PARD3: variants seen among roughly 807,000 people sequenced by gnomAD.
PARD3 encodes par-3 family cell polarity regulator.
A neutral mutation model predicts 155.4 loss-of-function variants in PARD3; 75 were observed. That is an observed-to-expected ratio of 0.48 (90% CI 0.40 to 0.58). The LOEUF is 0.58. PARD3 is among the 20% of genes least tolerant of loss of function. The pLI is 0.00. For missense variants in PARD3, 1,642 were observed against 1,721.7 expected (o/e 0.95, Z 0.82); for synonymous variants, 576 against 610.5 (o/e 0.94, Z 0.83).
chr10:34,260,276 A>T (rs1954888770), intron 22 of PARD3, among the ~76,000 whole-genome samples: 1 of 152,172 alleles, frequency 6.6e-6, no homozygotes, highest in Admixed American at 6.5e-5. Context: ...CACCTGGCCA[A>T]TTTTTTTCTT....
intron 3 of PARD3, among the ~76,000 whole-genome samples, chr10:34,502,173 G>C (rs150214412): frequency 8.5e-5 from 13 of 152,302 alleles, no homozygotes; most frequent in African/African-American, 2.6e-4. Flanking sequence ...AGCCTGAATG[G>C]ACTTAGACAG....
intron 22 of PARD3, among the ~76,000 whole-genome samples, chr10:34,188,910 T>A (rs768428372): frequency 4.7e-4 from 72 of 152,070 alleles, no homozygotes; most frequent in Non-Finnish European, 2.8e-4. Context: ...CTCTGCAACC[T>A]GGTATGAGGG....
intron 23 of PARD3, among the ~76,000 whole-genome samples, chr10:34,121,854 C>T (rs1209991479): frequency 1.3e-5 from 2 of 152,196 alleles, no homozygotes; most frequent in African/African-American, 2.4e-5. Flanking sequence ...TTCAGAGACC[C>T]GCTTCACAAC....
intron 5 of PARD3, among the ~76,000 whole-genome samples, chr10:34,414,439 A>G (rs1845448979): frequency 6.6e-6 from 1 of 152,176 alleles, no homozygotes; most frequent in Non-Finnish European, 1.5e-5. Context: ...GATAGGACTG[A>G]GAAGTTGGAA....
At chr10:34,740,002 G>A (rs950167647) in intron 1 of PARD3, among the ~76,000 whole-genome samples, 2 of 152,138 alleles carry the variant, frequency 1.3e-5, no homozygotes, top group African/African-American at 2.4e-5. Flanking sequence ...ACCCGCCAGC[G>A]ACTCCGTGCA....
At chr10:34,669,549 C>T (rs1435714956) in intron 2 of PARD3, among the ~76,000 whole-genome samples, 1 of 152,028 alleles carries the variant, frequency 6.6e-6, no homozygotes, top group Non-Finnish European at 1.5e-5. Flanking sequence ...CACAATATAT[C>T]CATGTAACGA....
chr10:34,495,316 G>A (rs562245231), intron 3 of PARD3, among the ~76,000 whole-genome samples: 13 of 152,240 alleles, frequency 8.5e-5, no homozygotes, highest in African/African-American at 2.9e-4. Flanking sequence ...CAGTCACAGT[G>A]CCCACAGAAA....
intron 4 of PARD3, among the ~76,000 whole-genome samples, chr10:34,454,457 C>T (rs1171492355): frequency 2.6e-5 from 4 of 151,916 alleles, no homozygotes; most frequent in African/African-American, 4.8e-5. Context: ...ATATGGCACT[C>T]GTAACCAATC....
intron 1 of PARD3, among the ~76,000 whole-genome samples, chr10:34,720,741 G>A (rs2094592958): frequency 6.6e-6 from 1 of 151,828 alleles, no homozygotes; most frequent in Non-Finnish European, 1.5e-5. Context: ...AGGTTGCAGT[G>A]AGCCAAGATC....
chr10:34,553,599 T>A (rs1413912853), intron 2 of PARD3, among the ~76,000 whole-genome samples: 1 of 152,140 alleles, frequency 6.6e-6, no homozygotes, highest in East Asian at 1.9e-4. Flanking sequence ...TCATGGAACA[T>A]GCTAAGGAGA....
chr10:34,266,749 T>C (rs1012515570), intron 22 of PARD3, among the ~76,000 whole-genome samples: 1 of 152,142 alleles, frequency 6.6e-6, no homozygotes, highest in Non-Finnish European at 1.5e-5. Flanking sequence ...TTGGCAGAAA[T>C]TAGGAGGCTG....
At chr10:34,510,690 TTA>T (rs1334105651) in intron 3 of PARD3, among the ~76,000 whole-genome samples, 3 of 151,386 alleles carry the variant, frequency 2.0e-5, no homozygotes, top group African/African-American at 7.4e-5. Context: ...TGTGTTTCCT[TTA>T]TTTTTTTTTA....
At chr10:34,273,737 A>C (rs1214772896) in intron 21 of PARD3, among the ~76,000 whole-genome samples, 1 of 152,198 alleles carries the variant, frequency 6.6e-6, no homozygotes, top group Non-Finnish European at 1.5e-5. Context: ...AAGTTTTTTT[A>C]AAGACAGAAA....
chr10:34,625,981 AACTCAAAAGAGAT>A (rs1348090527), intron 2 of PARD3, among the ~76,000 whole-genome samples: 3 of 152,232 alleles, frequency 2.0e-5, no homozygotes, highest in Non-Finnish European at 4.4e-5. Context: ...TCTTAAGTCT[AACTCAAAAGAGAT>A]GCCGAGACCT....
At chr10:34,362,303 C>T (rs566193481) in intron 12 of PARD3, among the ~76,000 whole-genome samples, 8 of 151,782 alleles carry the variant, frequency 5.3e-5, no homozygotes, top group Non-Finnish European at 8.8e-5. Context: ...TGTCCCATAA[C>T]AAAAAATAAA....
intron 1 of PARD3, among the ~76,000 whole-genome samples, chr10:34,794,897 A>G (rs974891320): frequency 8.5e-5 from 13 of 152,280 alleles, no homozygotes; most frequent in African/African-American, 3.1e-4. Flanking sequence ...ATATGCGCAC[A>G]TACACACGTA....
At chr10:34,576,008 T>C (rs1357069360) in intron 2 of PARD3, among the ~76,000 whole-genome samples, 1 of 152,224 alleles carries the variant, frequency 6.6e-6, no homozygotes. Flanking sequence ...TACTGACTCA[T>C]AAGAACGAGT....
intron 4 of PARD3, among the ~76,000 whole-genome samples, chr10:34,461,165 G>T (rs577860798): frequency 6.6e-6 from 1 of 152,200 alleles, no homozygotes; most frequent in African/African-American, 2.4e-5. Context: ...AAAGTCCTTA[G>T]AATGCAAACA....
chr10:34,463,809 G>C (rs2077832690), intron 4 of PARD3, among the ~76,000 whole-genome samples: 1 of 151,940 alleles, frequency 6.6e-6, no homozygotes, highest in East Asian at 1.9e-4. Flanking sequence ...TCTATGTTTA[G>C]ATATGTTGGA....
Sources: allele counts gnomAD v4.1 joint callset (sites outside exome capture counted in the v4.1 genomes callset), GRCh38; gene constraint gnomAD v4.1.1; transcripts MANE v1.5; gene names NCBI Gene and HGNC (gene_info 2026-07-23, HGNC 2026-07-21).